MROH2A: variants seen among roughly 807,000 people sequenced by gnomAD.
The protein encoded by MROH2A is maestro heat-like repeat-containing protein family member 2A.
MROH2A carries 174 observed loss-of-function variants against 200.4 expected under a neutral mutation model. The observed-to-expected ratio is 0.87, with a 90% CI of 0.77 to 0.98. The LOEUF is 0.98. Among genes scored for constraint, MROH2A ranks in the 50% least tolerant of loss-of-function variants. The pLI is 0.00. For missense variants in MROH2A, 2,045 were observed against 2,139.6 expected (o/e 0.96, Z 0.87); for synonymous variants, 829 against 840.4 (o/e 0.99, Z 0.23).
At position 233,828,567 on chromosome 2, in the gene MROH2A, C is replaced by A; in HGVS notation, c.4114-63C>A. The A allele has an allele frequency of 6.5e-7, 1 of 1,527,228 alleles. No homozygotes were observed. Among genetic ancestry groups the A allele is most frequent in the South Asian group, 1.2e-5 (1 of 81,722 alleles). The allele number at this position is 1,527,228 out of a possible 1,614,324, so 94.6% of individuals were successfully genotyped here. A position where few individuals can be genotyped will look rare whatever the true frequency, so the allele number is the denominator to read the frequency against. ...ATCTGCATTACCTCTCCTCCCACGT[C>A]CCACCTTGCTGCTGAGAAATGAGCC... On this transcript the variant is annotated intron_variant, in intron 35 of 41. Coordinates refer to ENST00000389758, the MANE Select transcript of MROH2A (RefSeq NM_001394639.1). The surrounding 1 kb of genome is among the most constrained non-coding windows in gnomAD (Gnocchi z 4.6).
Position 233,787,708 on chromosome 2 carries a change from CAT to C in MROH2A, c.277-1782_277-1781del, listed in dbSNP as rs1268633124. ...ATATATATTATATATATCATATAAACATATATATTATATATATCATATATACA... is the reference window on the plus strand; with the variant it reads ...ATATATATTATATATATCATATAAACATATATTATATATATCATATATACA... On this transcript the variant is annotated intron_variant, in intron 3 of 41. Coordinates refer to ENST00000389758, the MANE Select transcript of MROH2A (RefSeq NM_001394639.1). 1.9e-3 allele frequency among the ~76,000 whole-genome samples: 64 copies of C among 33,352 alleles called. 1 individual carries two copies. Among genetic ancestry groups the C allele is most frequent in the East Asian group, 3.9e-3 (2 of 512 alleles). The allele number at this position is 33,352 out of a possible 152,430, so 21.9% of individuals were successfully genotyped here.
At chr2:233,804,238 G>A in intron 17 of MROH2A, 46 bp downstream of exon 17, 1 of 1,546,664 alleles carries the variant, frequency 6.5e-7, no homozygotes, top group Non-Finnish European at 8.7e-7. Flanking sequence ...TCCAATCCGT[G>A]TATGTGCTGG....
chr2:233,810,038 A>G (rs1703052872), intron 22 of MROH2A, among the ~76,000 whole-genome samples: 1 of 152,262 alleles, frequency 6.6e-6, no homozygotes, highest in East Asian at 1.9e-4. Flanking sequence ...TTCATTTATC[A>G]TAATGTTCTC....
chr2:233,825,381 G>A lies in MROH2A; in HGVS notation c.4113+1717G>A, dbSNP rs190088136. On this transcript the variant is annotated intron_variant, in intron 35 of 41. Coordinates refer to ENST00000389758, the MANE Select transcript of MROH2A (RefSeq NM_001394639.1). The stretch of plus-strand genomic sequence containing the variant: ...ATGTTGAGTAGGAGTGGTGAGAGAG[G>A]GCATCCTTGTCTTGTGCCGATTTTC... 1.9e-3 allele frequency among the ~76,000 whole-genome samples: 295 copies of A among 152,264 alleles called. 2 individuals carry two copies. Among genetic ancestry groups the A allele is most frequent in the African/African-American group, 6.9e-3 (285 of 41,530 alleles).
At chr2:233,806,199 A>G (rs1431066639) in intron 19 of MROH2A, among the ~76,000 whole-genome samples, 1 of 152,184 alleles carries the variant, frequency 6.6e-6, no homozygotes, top group Non-Finnish European at 1.5e-5. Context: ...CCATGGAACA[A>G]CTAGAAGAAT....
rs1559453879 is a variant in MROH2A at position 233,799,362 on chromosome 2, G to C, written c.1330-418G>C. On this transcript the variant is annotated intron_variant, in intron 12 of 41. Transcript: ENST00000389758. ...AGAGAGGGAATGGAGGAGAATGGGG[G>C]CTAGAGATTTAGGCAGAGCTGTCTT... Among the ~76,000 whole-genome samples the C allele has an allele frequency of 2.0e-5, 3 of 152,132 alleles. No individual in the cohort carries two copies. In the South Asian group the frequency reaches 6.2e-4, roughly 32 times the overall value.
At position 233,807,516 on chromosome 2, in the gene MROH2A, G is replaced by T; in HGVS notation, c.2146G>T (p.Asp716Tyr). The change falls in exon 20 of 42, where the codon GAC becomes TAC. Residue 716 changes from aspartate (D) to tyrosine (Y), a missense_variant. Asp to Tyr is a radical substitution (Grantham distance 160). Coordinates refer to ENST00000389758, the MANE Select transcript of MROH2A (RefSeq NM_001394639.1). The surrounding 1 kb of genome is among the most constrained non-coding windows in gnomAD (Gnocchi z 4.3). Reference protein sequence around the residue: ...VLLLELLYKTDYSNDFDSEGV... With the variant: ...VLLLELLYKTYYSNDFDSEGV... ...GCTGTTGGAGCTGCTGTACAAGACG[G>T]ACTACAGCAATGACTTTGACAGCGA... is the stretch of plus-strand genomic sequence containing the variant. 3.9e-6 allele frequency: 6 copies of T among 1,550,622 alleles called. No individual in the cohort carries two copies. Among genetic ancestry groups the T allele is most frequent in the African/African-American group, 1.4e-5 (1 of 73,182 alleles).
At chr2:233,795,627 T>C in intron 8 of MROH2A, 26 bp from the exon 9 acceptor site, 1 of 1,550,874 alleles carries the variant, frequency 6.4e-7, no homozygotes, top group East Asian at 2.4e-5. Context: ...GAAGGTCACC[T>C]GCCACCATTT....
intron 26 of MROH2A, among the ~76,000 whole-genome samples, chr2:233,815,845 CTTTTTTTT>C (rs5839494): frequency 2.3e-5 from 3 of 129,250 alleles, no homozygotes; most frequent in Admixed American, 7.7e-5. Flanking sequence ...TTAGATTTTG[CTTTTTTTT>C]TTTTTTTTTT....
intron 5 of MROH2A, among the ~76,000 whole-genome samples, chr2:233,791,406 C>T (rs944853396): frequency 6.6e-6 from 1 of 152,158 alleles, no homozygotes; most frequent in African/African-American, 2.4e-5. Context: ...GCGTGTTGGC[C>T]TCCTTTCCCG....
rs1421665836 is a variant in MROH2A, at chr2:233,804,597, A to G, written c.1944+50A>G. 15 of 1,525,488 alleles carry G rather than the reference A, an allele frequency of 9.8e-6. No homozygotes were observed. The South Asian group carries it at 1.8e-4, about 18-fold the overall frequency. The allele number at this position is 1,525,488 out of a possible 1,614,324, so 94.5% of individuals were successfully genotyped here. A position where few individuals can be genotyped will look rare whatever the true frequency, so the allele number is the denominator to read the frequency against. ...GGCCTGGGAGGAGGAGAAAGATGGG[A>G]GCAGATGGAAAGGCATTTGGTGGGC... On this transcript the variant is annotated intron_variant, in intron 18 of 41. Transcript: ENST00000389758.
chr2:233,814,669 A>T lies in MROH2A; in HGVS notation c.2848A>T (p.Met950Leu). The T allele has an allele frequency of 1.9e-6, 3 of 1,549,470 alleles. No individual in the cohort carries two copies. Among genetic ancestry groups the T allele is most frequent in the Non-Finnish European group, 2.6e-6 (3 of 1,146,120 alleles). ...RQLDPKGLQE[M>L]VQLLEKWILS... The stretch of plus-strand genomic sequence containing the variant: ...GCTGGACCCCAAGGGGCTGCAGGAG[A>T]TGGTGCAGGTGAGTTGCCTGGTGGC... Residue 950 changes from methionine (M) to leucine (L), a missense_variant, in exon 26 of 42, where the codon ATG becomes TTG. By Grantham distance (15) the Met-to-Leu change is conservative. Coordinates refer to ENST00000389758, the MANE Select transcript of MROH2A (RefSeq NM_001394639.1).
chr2:233,781,778 A>G (rs1276471758), intron 3 of MROH2A, among the ~76,000 whole-genome samples: 1 of 152,126 alleles, frequency 6.6e-6, no homozygotes, highest in African/African-American at 2.4e-5. Context: ...TTGAGGTCTC[A>G]CACAAAAAAT....
Position 233,833,277 on chromosome 2 carries a change from C to T in MROH2A, c.*18C>T, listed in dbSNP as rs553760283. On this transcript the variant is annotated 3_prime_UTR_variant, in exon 42 of 42. Coordinates refer to ENST00000389758, the MANE Select transcript of MROH2A (RefSeq NM_001394639.1). Reference sequence around the variant, plus strand: ...TGTCCTAGGTGGTCCAAACATAAGACGTAAACTGTCTTCTTAGTGCCAAAT... The same window carrying T: ...TGTCCTAGGTGGTCCAAACATAAGATGTAAACTGTCTTCTTAGTGCCAAAT... 93 of 1,508,176 alleles carry T rather than the reference C, an allele frequency of 6.2e-5. No individual in the cohort carries two copies. In the African/African-American group the frequency reaches 1.1e-3, roughly 18 times the overall value. The allele number at this position is 1,508,176 out of a possible 1,614,324, so 93.4% of individuals were successfully genotyped here.
In MROH2A at chr2:233,828,903, G is replaced by A. The variant is rs926769077; in HGVS notation, c.4277G>A (p.Arg1426Gln). 55 of 1,550,312 alleles carry A rather than the reference G, an allele frequency of 3.5e-5. No homozygotes were observed. The highest frequency in any genetic ancestry group is 9.6e-5 in the African/African-American group (7 of 73,046). ...LGAPKKVKQY[R>Q]KVLLEKCLGP... The stretch of plus-strand genomic sequence containing the variant: ...ATGCCCCTCCAGGTGAAGCAGTACC[G>A]GAAGGTCTTGCTGGAGAAGTGCCTG... Residue 1426 changes from arginine (R) to glutamine (Q), a missense_variant, in exon 37 of 42, where the codon CGG (arginine) becomes CAG (glutamine). Coordinates refer to ENST00000389758, the MANE Select transcript of MROH2A (RefSeq NM_001394639.1). The surrounding 1 kb of genome is among the most constrained non-coding windows in gnomAD (Gnocchi z 4.6).
At position 233,828,697 on chromosome 2, in the gene MROH2A, G is replaced by A; in HGVS notation, c.4181G>A (p.Gly1394Asp). The stretch of plus-strand genomic sequence containing the variant: ...CCGGCAGCTTTGCTGCTGGAGAAGG[G>A]TGCCGACCAGGAGGAAGACGAGGCC... ...LKPAALLLEK[G>D]ADQEEDEALR... The change falls in exon 36 of 42, where the codon GGT becomes GAT. Residue 1394 changes from glycine (G) to aspartate (D), a missense_variant. Around this residue, in one of 3 missense-constraint regions of MROH2A, gnomAD observed 1,201 missense variants for 1,311.3 expected, o/e 0.92. Coordinates refer to ENST00000389758, the MANE Select transcript of MROH2A (RefSeq NM_001394639.1). The surrounding 1 kb of genome is among the most constrained non-coding windows in gnomAD (Gnocchi z 4.6). 1 of 1,550,736 alleles carries A rather than the reference G, an allele frequency of 6.4e-7. No homozygotes were observed. The highest frequency in any genetic ancestry group is 8.7e-7 in the Non-Finnish European group (1 of 1,147,036).
In MROH2A at chr2:233,828,782, A is replaced by T; in HGVS notation, c.4263+3A>T. Reference sequence around the variant, plus strand: ...TGGCCCTGGGCGCCCCCAAGAAGGTACTGTGCCTGGCCCTGGGCCCAGGTC... The same window carrying T: ...TGGCCCTGGGCGCCCCCAAGAAGGTTCTGTGCCTGGCCCTGGGCCCAGGTC... On this transcript the variant is annotated splice_donor_region_variant and intron_variant, in intron 36 of 41. Transcript: ENST00000389758. This position sits in a 1 kb window ranked among gnomAD's most constrained non-coding sequence, Gnocchi z 4.6. 2 of 1,550,062 alleles carry T rather than the reference A, an allele frequency of 1.3e-6. No homozygotes were observed. Among genetic ancestry groups the T allele is most frequent in the Non-Finnish European group, 1.7e-6 (2 of 1,146,762 alleles).
intron 15 of MROH2A, among the ~76,000 whole-genome samples, 191 bp from the exon 16 acceptor site, chr2:233,803,257 C>T (rs1181704730): frequency 1.3e-5 from 2 of 152,170 alleles, no homozygotes. Context: ...TCCCCTCTTC[C>T]CAGGATAAGT....
chr2:233,809,255 C>T lies in MROH2A; in HGVS notation c.2425C>T (p.His809Tyr), dbSNP rs372644391. The change falls in exon 22 of 42, where the codon CAC becomes TAC. Residue 809 changes from histidine to tyrosine, a missense_variant. Transcript: ENST00000389758. ...VDSPITAKII[H>Y]HYVSSCQDIC... ...CAGCCCCATCACCGCTAAGATCATTCACCATTATGTCAGCAGCTGCCAGGT... is the reference window on the plus strand; with the variant it reads ...CAGCCCCATCACCGCTAAGATCATTTACCATTATGTCAGCAGCTGCCAGGT... 9.0e-6 allele frequency: 14 copies of T among 1,550,544 alleles called. No individual in the cohort carries two copies. The highest frequency in any genetic ancestry group is 6.8e-5 in the African/African-American group (5 of 73,176).
Sources: allele counts gnomAD v4.1 joint callset (sites outside exome capture counted in the v4.1 genomes callset), GRCh38; gene constraint gnomAD v4.1.1; regional missense constraint gnomAD v4.1.1; non-coding constraint Gnocchi (gnomAD v3.1); transcripts MANE v1.5; gene names NCBI Gene and HGNC (gene_info 2026-07-23, HGNC 2026-07-21).